Variants in ZDHHC21 observed in about 807,000 individuals in gnomAD.
ZDHHC21 encodes palmitoyltransferase ZDHHC21.
ZDHHC21 carries 15 observed loss-of-function variants against 34.6 expected under a neutral mutation model. That is an observed-to-expected ratio of 0.43 (90% CI 0.29 to 0.67). The LOEUF is 0.67. Among genes scored for constraint, ZDHHC21 ranks in the 30% least tolerant of loss-of-function variants. The pLI is 0.14. For synonymous variants in ZDHHC21, 142 were observed against 101.8 expected (o/e 1.40, Z -2.38); for missense variants, 344 against 327.7 (o/e 1.05, Z -0.38).
chr9:14,659,072 T>C (rs1029028444), intron 6 of ZDHHC21, among the ~76,000 whole-genome samples, 185 bp from the exon 7 acceptor site: 2 of 152,292 alleles, frequency 1.3e-5, no homozygotes, highest in South Asian at 4.1e-4. Context: ...CTTATATTTG[T>C]AAAGCACTTC....
intron 8 of ZDHHC21, among the ~76,000 whole-genome samples, chr9:14,632,325 G>A (rs1341755660): frequency 6.6e-6 from 1 of 151,988 alleles, no homozygotes; most frequent in Non-Finnish European, 1.5e-5. Context: ...TTCAACAAAG[G>A]TGTCAAGACT....
intron 7 of ZDHHC21, among the ~76,000 whole-genome samples, chr9:14,643,001 G>A (rs925498389): frequency 6.6e-6 from 1 of 152,192 alleles, no homozygotes; most frequent in Non-Finnish European, 1.5e-5. Flanking sequence ...CACTTTGGGA[G>A]GCCAAGGTGG....
chr9:14,658,649 T>C (rs1832780417), intron 7 of ZDHHC21, 100 bp downstream of exon 7: 2 of 970,508 alleles, frequency 2.1e-6, no homozygotes, highest in Admixed American at 5.0e-5. Flanking sequence ...TTTTTTGTAT[T>C]TTTAGTAGAG....
chr9:14,605,742 T>C, the ZDHHC21 span, among the ~76,000 whole-genome samples: 7 of 152,236 alleles, frequency 4.6e-5, no homozygotes, highest in Non-Finnish European at 8.8e-5. Flanking sequence ...TTTGGTGTTA[T>C]CTCCAAGAAG....
chr9:14,589,205 T>C, the ZDHHC21 span: 1 of 152,106 alleles, frequency 6.6e-6, no homozygotes, highest in Admixed American at 6.6e-5. Context: ...CTGCCAGAGA[T>C]AAACACATAA....
At chr9:14,607,982 G>T (rs901247814), downstream of ZDHHC21, among the ~76,000 whole-genome samples, 1 of 152,116 alleles carries the variant, frequency 6.6e-6, no homozygotes, top group Non-Finnish European at 1.5e-5. Context: ...CACATTGTGG[G>T]TACTTTTCCG....
At chr9:14,600,781 T>G in the ZDHHC21 span, among the ~76,000 whole-genome samples, 1 of 152,164 alleles carries the variant, frequency 6.6e-6, no homozygotes, top group Non-Finnish European at 1.5e-5. Context: ...CAAAACAGCA[T>G]GGTACTGGTA....
At chr9:14,669,701 G>A (rs932513027) in intron 5 of ZDHHC21, among the ~76,000 whole-genome samples, 4 of 149,630 alleles carry the variant, frequency 2.7e-5, no homozygotes, top group African/African-American at 1.0e-4. Flanking sequence ...CATGTCCTTT[G>A]TAGGGACGTG....
At chr9:14,684,580 A>C (rs1035097502) in intron 2 of ZDHHC21, among the ~76,000 whole-genome samples, 1 of 151,834 alleles carries the variant, frequency 6.6e-6, no homozygotes, top group Non-Finnish European at 1.5e-5. Context: ...AGAACATTCC[A>C]TGCTCATGGG....
At chr9:14,672,676 TAAG>T (rs995952469) in intron 5 of ZDHHC21, among the ~76,000 whole-genome samples, 151 bp downstream of exon 5, 1 of 152,054 alleles carries the variant, frequency 6.6e-6, no homozygotes, top group African/African-American at 2.4e-5. Context: ...GTTGCAATTT[TAAG>T]TAGAGAAGTT....
chr9:14,593,893 G>A, the ZDHHC21 span: 1 of 152,188 alleles, frequency 6.6e-6, no homozygotes, highest in Non-Finnish European at 1.5e-5. Flanking sequence ...CACTAAGTGG[G>A]AAGAGCTCCC....
chr9:14,693,312 C>T lies in ZDHHC21; in HGVS notation c.-308G>A. ...CCCTCCTCCTGCCGCGCCACCTCCG[C>T]CTCCTCCGGCGCCGCCGCCCAGGCC... On this transcript the variant is annotated 5_prime_UTR_variant, in exon 1 of 10. Transcript: ENST00000380916. 2.4e-6 allele frequency: 1 copy of T among 417,592 alleles called. No individual in the cohort carries two copies. The highest frequency in any genetic ancestry group is 4.7e-6 in the Non-Finnish European group (1 of 211,806). The allele number at this position is 417,592 out of a possible 1,614,324, so 25.9% of individuals were successfully genotyped here.
At chr9:14,687,151 GC>G (rs1838446998) in intron 2 of ZDHHC21, among the ~76,000 whole-genome samples, 1 of 150,682 alleles carries the variant, frequency 6.6e-6, no homozygotes, top group Non-Finnish European at 1.5e-5. Context: ...TAATGTTTCA[GC>G]AAAATAGTAG....
the ZDHHC21 span, among the ~76,000 whole-genome samples, chr9:14,590,469 A>G: frequency 6.6e-6 from 1 of 152,190 alleles, no homozygotes. Context: ...TACTTAAACT[A>G]CTAAAAACCA....
chr9:14,634,450 G>A lies in ZDHHC21; in HGVS notation c.621+5446C>T, dbSNP rs530298805. Among the ~76,000 whole-genome samples the A allele has an allele frequency of 1.8e-3, 270 of 152,210 alleles. 2 individuals are homozygous for A. The highest frequency in any genetic ancestry group is 6.1e-3 in the African/African-American group (254 of 41,524). The stretch of plus-strand genomic sequence containing the variant: ...GTGCCAATGCCACCCTGGTGCCCAC[G>A]GACAGGCCCACTTGCTGCTGCCACC... On this transcript the variant is annotated intron_variant, in intron 8 of 9. Coordinates refer to ENST00000380916, the MANE Select transcript of ZDHHC21 (RefSeq NM_178566.6).
At chr9:14,690,818 C>G (rs1249453701) in intron 1 of ZDHHC21, among the ~76,000 whole-genome samples, 1 of 152,102 alleles carries the variant, frequency 6.6e-6, no homozygotes, top group African/African-American at 2.4e-5. Flanking sequence ...TCACTTTCAA[C>G]AATAAAAACT....
chr9:14,595,393 G>A, the ZDHHC21 span, among the ~76,000 whole-genome samples: 112 of 152,270 alleles, frequency 7.4e-4, no homozygotes, highest in African/African-American at 2.6e-3. Context: ...TACATTAAGT[G>A]AAAAGAGTCA....
At chr9:14,598,709 T>C in the ZDHHC21 span, among the ~76,000 whole-genome samples, 1 of 152,114 alleles carries the variant, frequency 6.6e-6, no homozygotes, top group South Asian at 2.1e-4. Flanking sequence ...AAGCAATTCA[T>C]GATCTGAATG....
At chr9:14,662,356 T>C (rs1245428247) in intron 5 of ZDHHC21, 30 bp from the exon 6 acceptor site, 3 of 1,525,956 alleles carry the variant, frequency 2.0e-6, no homozygotes, top group Middle Eastern at 1.7e-4. Context: ...ATCCATTTAA[T>C]GAAGGCAAGT....
Sources: allele counts gnomAD v4.1 joint callset (sites outside exome capture counted in the v4.1 genomes callset), GRCh38; gene constraint gnomAD v4.1.1; transcripts MANE v1.5; gene names NCBI Gene and HGNC (gene_info 2026-07-23, HGNC 2026-07-21).